The following IPPK variants were observed in gnomAD, a reference collection of about 807,000 sequenced individuals.
IPPK encodes the protein inositol-pentakisphosphate 2-kinase.
A neutral mutation model predicts 64.6 loss-of-function variants in IPPK; 22 were observed. That is an observed-to-expected ratio of 0.34 (90% CI 0.24 to 0.49). IPPK has a LOEUF of 0.49. Ranked by LOEUF, IPPK falls within the 20% of genes least tolerant of loss-of-function variation. The pLI is 0.99. For missense variants in IPPK, 532 were observed against 630.7 expected (o/e 0.84, Z 1.68); for synonymous variants, 262 against 247.2 (o/e 1.06, Z -0.56).
intron 11 of IPPK, among the ~76,000 whole-genome samples, chr9:92,631,051 G>C (rs1851832125): frequency 6.6e-6 from 1 of 152,002 alleles, no homozygotes; most frequent in South Asian, 2.1e-4. Context: ...CCTGCAACAG[G>C]GACCAGACAT....
chr9:92,643,680 C>A (rs2131444101), intron 6 of IPPK, among the ~76,000 whole-genome samples: 1 of 151,312 alleles, frequency 6.6e-6, no homozygotes, highest in Non-Finnish European at 1.5e-5. Flanking sequence ...ACAAACAATC[C>A]TCAAGGATTA....
intron 1 of IPPK, among the ~76,000 whole-genome samples, chr9:92,664,637 G>A (rs939984228): frequency 1.2e-4 from 18 of 152,176 alleles, no homozygotes; most frequent in Non-Finnish European, 2.2e-4. Context: ...AAGCCTCACT[G>A]CCTGTAAAGG....
At chr9:92,658,771 CA>C (rs760498202) in intron 1 of IPPK, 90 bp from the exon 2 acceptor site, 2 of 1,168,786 alleles carry the variant, frequency 1.7e-6, no homozygotes, top group Non-Finnish European at 1.3e-6. Flanking sequence ...CCTCAGTGGA[CA>C]AAGTCCACAG....
At chr9:92,655,790 C>G (rs1390088901) in intron 3 of IPPK, among the ~76,000 whole-genome samples, 1 of 152,210 alleles carries the variant, frequency 6.6e-6, no homozygotes, top group East Asian at 1.9e-4. Flanking sequence ...GACCCCCAAA[C>G]ACTCCCAACA....
intron 3 of IPPK, among the ~76,000 whole-genome samples, chr9:92,653,722 G>A (rs911364880): frequency 6.6e-6 from 1 of 152,168 alleles, no homozygotes; most frequent in African/African-American, 2.4e-5. Context: ...GGTGGCGCAC[G>A]CCTGTAGTCC....
intron 11 of IPPK, chr9:92,619,895 G>A (rs1851572906): frequency 5.7e-6 from 2 of 352,264 alleles, no homozygotes; most frequent in Non-Finnish European, 1.1e-5. Context: ...AGGAAAAGCA[G>A]TAAGCCACCT....
At chr9:92,643,526 C>CTTTT (rs1269616208) in intron 6 of IPPK, among the ~76,000 whole-genome samples, 1 of 150,116 alleles carries the variant, frequency 6.7e-6, no homozygotes, top group African/African-American at 2.5e-5. Context: ...TAAAAGTCAC[C>CTTTT]AAAATTTATT....
intron 11 of IPPK, among the ~76,000 whole-genome samples, chr9:92,628,199 G>T (rs1851769097): frequency 1.3e-5 from 2 of 152,124 alleles, no homozygotes; most frequent in African/African-American, 4.8e-5. Context: ...AGAAAACCAA[G>T]ATCTAAATAA....
chr9:92,670,055 C>G lies in IPPK; in HGVS notation c.-67G>C. 5 of 1,198,338 alleles carry G rather than the reference C, an allele frequency of 4.2e-6. No homozygotes were observed. The highest frequency in any genetic ancestry group is 1.2e-6 in the Non-Finnish European group (1 of 845,074). 74.2% of individuals were successfully genotyped at this position (1,198,338 alleles called of 1,614,324 possible). On this transcript the variant is annotated 5_prime_UTR_variant, in exon 1 of 13. Coordinates refer to ENST00000287996, the MANE Select transcript of IPPK (RefSeq NM_022755.6). ...GACGCGAGCTGGGGGCCGCCCGCCT[C>G]GCTGGGAACCAGCCGCTGCGGTCGG...
intron 11 of IPPK, 118 bp downstream of exon 11, chr9:92,634,268 G>C: frequency 3.0e-6 from 2 of 673,348 alleles, no homozygotes; most frequent in Non-Finnish European, 5.2e-6. Context: ...TTGATCCCAA[G>C]TTTTCTGCTT....
intron 8 of IPPK, among the ~76,000 whole-genome samples, chr9:92,638,956 G>A (rs1011439904): frequency 1.1e-4 from 16 of 152,242 alleles, no homozygotes; most frequent in African/African-American, 2.7e-4. Flanking sequence ...ATGACTCATG[G>A]GGGTCTGGAT....
intron 3 of IPPK, among the ~76,000 whole-genome samples, chr9:92,653,086 G>C (rs1398591008): frequency 6.6e-6 from 1 of 152,250 alleles, no homozygotes; most frequent in East Asian, 1.9e-4. Flanking sequence ...GAGCAGGTCA[G>C]CATCTGAAGA....
At chr9:92,634,590 C>T (rs1422070607) in intron 10 of IPPK, 102 bp from the exon 11 acceptor site, 2 of 797,830 alleles carry the variant, frequency 2.5e-6, no homozygotes, top group African/African-American at 3.4e-5. Flanking sequence ...AAACATCACA[C>T]ATTTTGTTTT....
chr9:92,632,122 G>A (rs1002576492), intron 11 of IPPK, among the ~76,000 whole-genome samples: 9 of 152,224 alleles, frequency 5.9e-5, no homozygotes, highest in South Asian at 2.1e-4. Context: ...GGAGGTCACC[G>A]TGGAAAGACA....
rs1851407523 is a variant in IPPK at position 92,615,690 on chromosome 9, T to C, written c.*142A>G. On this transcript the variant is annotated 3_prime_UTR_variant, in exon 13 of 13. Transcript: ENST00000287996. ...TTGTTTCTAGTGCTCTTCAATTCCA[T>C]GTCTCCAAGAGGCAATCCCACCTCA... is the stretch of plus-strand genomic sequence containing the variant. The C allele has an allele frequency of 1.6e-6, 1 of 629,050 alleles. No homozygotes were observed. Among genetic ancestry groups the C allele is most frequent in the East Asian group, 2.8e-5 (1 of 36,048 alleles). The allele number at this position is 629,050 out of a possible 1,614,324, so 39.0% of individuals were successfully genotyped here. A position where few individuals can be genotyped will look rare whatever the true frequency, so the allele number is the denominator to read the frequency against.
chr9:92,659,804 T>C (rs1159106488), intron 1 of IPPK, among the ~76,000 whole-genome samples: 1 of 152,162 alleles, frequency 6.6e-6, no homozygotes, highest in African/African-American at 2.4e-5. Context: ...TTAGACAATG[T>C]ACGTCGTTGC....
chr9:92,652,817 G>T (rs940174884), intron 3 of IPPK, among the ~76,000 whole-genome samples, 178 bp from the exon 4 acceptor site: 1 of 152,092 alleles, frequency 6.6e-6, no homozygotes, highest in African/African-American at 2.4e-5. Flanking sequence ...GGGAATAAAA[G>T]CTGCTCTATT....
intron 3 of IPPK, among the ~76,000 whole-genome samples, chr9:92,655,270 C>A (rs1055054941): frequency 6.6e-6 from 1 of 152,216 alleles, no homozygotes; most frequent in African/African-American, 2.4e-5. Flanking sequence ...GATGCAGCGA[C>A]CCTGAGGGGT....
intron 1 of IPPK, among the ~76,000 whole-genome samples, chr9:92,667,153 C>A (rs915889614): frequency 1.3e-5 from 2 of 152,210 alleles, no homozygotes; most frequent in Non-Finnish European, 2.9e-5. Flanking sequence ...GAGAAAGCAA[C>A]CCTCTCCTTA....
Sources: gnomAD v4.1 joint callset for allele counts (sites outside exome capture counted in the v4.1 genomes callset) on GRCh38, gnomAD v4.1.1 for gene constraint, MANE v1.5 for transcripts, NCBI Gene and HGNC (gene_info 2026-07-23, HGNC 2026-07-21) for gene names.